The following CHN2 variants were observed in gnomAD, a reference collection of about 807,000 sequenced individuals.
CHN2 encodes the protein beta-chimaerin.
Under a neutral mutation model 56.3 loss-of-function variants are expected in CHN2, and 35 were observed. That is an observed-to-expected ratio of 0.62 (90% CI 0.47 to 0.82). The LOEUF (loss-of-function observed/expected upper bound fraction) is 0.82, where lower values mean the gene tolerates loss of function less well. CHN2 is among the 40% of genes least tolerant of loss of function. CHN2 has a pLI of 0.00. For missense variants in CHN2, 491 were observed against 580.5 expected (o/e 0.85, Z 1.58); for synonymous variants, 210 against 212.8 (o/e 0.99, Z 0.12).
chr7:29,389,708 T>A (rs1801208303), intron 3 of CHN2, among the ~76,000 whole-genome samples: 1 of 152,176 alleles, frequency 6.6e-6, no homozygotes, highest in Non-Finnish European at 1.5e-5. Flanking sequence ...GGGGTGACTA[T>A]TCTCTTGTAG....
upstream of CHN2, among the ~76,000 whole-genome samples, chr7:29,190,298 A>G (rs1434235295): frequency 6.6e-6 from 1 of 152,196 alleles, no homozygotes; most frequent in African/African-American, 2.4e-5. Context: ...CTAGTTGACG[A>G]ATAGCCCTGC....
At chr7:29,190,417 C>A (rs141102242), upstream of CHN2, among the ~76,000 whole-genome samples, 296 of 152,318 alleles carry the variant, frequency 1.9e-3, 1 homozygote, top group African/African-American at 6.9e-3. Flanking sequence ...AAAAAACACT[C>A]CAGAATGCCT....
intron 6 of CHN2, among the ~76,000 whole-genome samples, chr7:29,429,058 G>A (rs77063399): frequency 0.051 from 7,695 of 152,262 alleles, 287 homozygotes; most frequent in Middle Eastern, 0.078. Context: ...CTGCTCAAGA[G>A]AAAGCAGAAA....
chr7:29,375,901 A>G (rs1585199326), intron 3 of CHN2, among the ~76,000 whole-genome samples: 1 of 152,330 alleles, frequency 6.6e-6, no homozygotes, highest in Admixed American at 6.5e-5. Flanking sequence ...TATCCAGGAA[A>G]AGGAGCAGGT....
intron 12 of CHN2, among the ~76,000 whole-genome samples, chr7:29,509,938 T>G (rs1364594561): frequency 6.6e-6 from 1 of 152,062 alleles, no homozygotes; most frequent in Middle Eastern, 3.2e-3. Context: ...CACAGCTGAT[T>G]TGAAGAGGTG....
Position 29,289,296 on chromosome 7 carries a change from A to G in CHN2, c.50-65329A>G, listed in dbSNP as rs186979592. Among the ~76,000 whole-genome samples, 346 of 152,270 alleles carry G rather than the reference A, an allele frequency of 2.3e-3. 1 individual carries two copies. The highest frequency in any genetic ancestry group is 0.014 in the Middle Eastern group (4 of 294). ...CACTTGTTGAGGCTGAGGCTAGAGG[A>G]GGAAATGACAAGGGAGAGGCAAGAT... On this transcript the variant is annotated intron_variant, in intron 1 of 12. Transcript: ENST00000222792.
chr7:29,195,629 A>AGAGAGAGAGGGAGAGAGTGTGT (rs869037854), intron 1 of CHN2, among the ~76,000 whole-genome samples: 1 of 117,580 alleles, frequency 8.5e-6, no homozygotes, highest in East Asian at 3.8e-4. Context: ...AGAGAGAGAG[A>AGAGAGAGAGGGAGAGAGTGTGT]GTGTGTGTGT....
At chr7:29,400,905 T>C (rs2128085254) in intron 6 of CHN2, 77 bp downstream of exon 6, 4 of 1,450,162 alleles carry the variant, frequency 2.8e-6, no homozygotes, top group South Asian at 1.3e-5. Context: ...ATAGGTGCGA[T>C]TTGCTGAAAT....
At chr7:29,233,734 A>G (rs1786906331) in intron 1 of CHN2, among the ~76,000 whole-genome samples, 2 of 150,088 alleles carry the variant, frequency 1.3e-5, no homozygotes, top group Admixed American at 6.7e-5. Flanking sequence ...CCACCAGCCC[A>G]GGACTGCTGG....
At position 29,437,557 on chromosome 7, in the gene CHN2, C is replaced by T. The variant is rs1170602902; in HGVS notation, c.576+36729C>T. Among the ~76,000 whole-genome samples the T allele has an allele frequency of 1.4e-5, 2 of 142,592 alleles. 1 individual carries two copies. The highest frequency in any genetic ancestry group is 5.3e-5 in the African/African-American group (2 of 37,396). The allele number at this position is 142,592 out of a possible 152,430, so 93.5% of individuals were successfully genotyped here. A position where few individuals can be genotyped will look rare whatever the true frequency, so the allele number is the denominator to read the frequency against. On this transcript the variant is annotated intron_variant, in intron 6 of 12. Transcript: ENST00000222792. ...AGCTTGCAGTGAGCCGAGATCGCGC[C>T]ACTGCACTCCAGCCTGGGCGACAGA...
chr7:29,175,542 A>G (rs1562808827), intron 2 of CHN2, among the ~76,000 whole-genome samples: 2 of 152,044 alleles, frequency 1.3e-5, no homozygotes, highest in South Asian at 2.1e-4. Context: ...GCCTGCCGCC[A>G]TGTAAGACAT....
chr7:29,240,346 A>T (rs151094988), intron 1 of CHN2, among the ~76,000 whole-genome samples: 95 of 152,356 alleles, frequency 6.2e-4, no homozygotes, highest in Middle Eastern at 3.4e-3. Context: ...CTTCAAAAGC[A>T]GAATGAGTAT....
At chr7:29,497,908 G>A (rs1789477285) in intron 8 of CHN2, among the ~76,000 whole-genome samples, 1 of 152,232 alleles carries the variant, frequency 6.6e-6, no homozygotes, top group Non-Finnish European at 1.5e-5. Context: ...TGGGTAGATG[G>A]GGAGTTATAT....
At chr7:29,246,632 T>C (rs1221857441) in intron 1 of CHN2, among the ~76,000 whole-genome samples, 5 of 152,178 alleles carry the variant, frequency 3.3e-5, no homozygotes, top group African/African-American at 9.7e-5. Context: ...GTACGTGTCT[T>C]AGTCCATTCA....
At chr7:29,368,371 C>G (rs1799340694) in intron 3 of CHN2, among the ~76,000 whole-genome samples, 1 of 152,026 alleles carries the variant, frequency 6.6e-6, no homozygotes, top group African/African-American at 2.4e-5. Flanking sequence ...TTTCAACGCC[C>G]ATATTTAGTA....
At chr7:29,401,069 C>G in intron 6 of CHN2, 1 of 497,490 alleles carries the variant, frequency 2.0e-6, no homozygotes, top group South Asian at 2.3e-5. Flanking sequence ...GAGATAGAGA[C>G]CATCCTGGCT....
chr7:29,438,119 G>A (rs1783376713), intron 6 of CHN2, among the ~76,000 whole-genome samples: 2 of 152,218 alleles, frequency 1.3e-5, no homozygotes, highest in South Asian at 4.1e-4. Flanking sequence ...GCAGAAAAAG[G>A]ACAGTCAATG....
chr7:29,203,467 CAAAAAAAAAAAAAAA>C (rs11287820), intron 1 of CHN2, among the ~76,000 whole-genome samples: 41 of 55,586 alleles, frequency 7.4e-4, no homozygotes, highest in Admixed American at 6.2e-4. Context: ...AACTCCGTCT[CAAAAAAAAAAAAAAA>C]AAAAAAAAAA....
At chr7:29,363,664 T>C (rs1798911792) in intron 2 of CHN2, among the ~76,000 whole-genome samples, 1 of 152,152 alleles carries the variant, frequency 6.6e-6, no homozygotes, top group African/African-American at 2.4e-5. Flanking sequence ...ATTGTGTTAA[T>C]GATGATGAGT....
Sources: allele counts gnomAD v4.1 joint callset (sites outside exome capture counted in the v4.1 genomes callset), GRCh38; gene constraint gnomAD v4.1.1; transcripts MANE v1.5; gene names NCBI Gene and HGNC (gene_info 2026-07-23, HGNC 2026-07-21).